TCF12: variants seen among roughly 807,000 people sequenced by gnomAD.
TCF12 encodes DNA-binding protein HTF4.
Under a neutral mutation model 86.0 loss-of-function variants are expected in TCF12, and 45 were observed. The ratio of observed to expected loss-of-function variants is 0.52; its 90% CI spans 0.41 to 0.67. The LOEUF (loss-of-function observed/expected upper bound fraction) is 0.67, where lower values mean the gene tolerates loss of function less well. Among genes scored for constraint, TCF12 ranks in the 30% least tolerant of loss-of-function variants. The pLI, the probability that TCF12 is intolerant of heterozygous loss-of-function variation, is 0.00. For synonymous variants in TCF12, 330 were observed against 299.6 expected (o/e 1.10, Z -1.05); for missense variants, 881 against 859.9 (o/e 1.02, Z -0.31).
At chr15:56,984,110 T>C (rs1004207275) in intron 3 of TCF12, among the ~76,000 whole-genome samples, 2 of 144,818 alleles carry the variant, frequency 1.4e-5, no homozygotes, top group South Asian at 4.4e-4. Context: ...GAGAGAAAGA[T>C]ACGTTGTTCT....
At chr15:57,184,254 C>A (rs12899036) in intron 6 of TCF12, among the ~76,000 whole-genome samples, 58,485 of 151,990 alleles carry the variant, frequency 0.38, 14,074 homozygotes, top group Non-Finnish European at 0.53. Context: ...ATGAAAACAG[C>A]CATAGCCAAT....
chr15:57,253,094 A>T (rs11853810), intron 15 of TCF12, among the ~76,000 whole-genome samples, 168 bp from the exon 16 acceptor site: 1 of 152,044 alleles, frequency 6.6e-6, no homozygotes, highest in East Asian at 1.9e-4. Flanking sequence ...CTACATACAT[A>T]CAGCCTTTTT....
intron 3 of TCF12, among the ~76,000 whole-genome samples, chr15:57,008,297 T>C (rs757073155): frequency 6.6e-6 from 1 of 152,054 alleles, no homozygotes; most frequent in Non-Finnish European, 1.5e-5. Context: ...GGATATATTT[T>C]ATTGTCTTAA....
intron 5 of TCF12, among the ~76,000 whole-genome samples, chr15:57,164,928 G>T (rs570623178): frequency 6.6e-6 from 1 of 152,114 alleles, no homozygotes; most frequent in African/African-American, 2.4e-5. Context: ...TTATCCGCCC[G>T]CCTCGGCCTC....
intron 16 of TCF12, among the ~76,000 whole-genome samples, chr15:57,261,065 T>C (rs1236135363): frequency 6.6e-6 from 1 of 152,130 alleles, no homozygotes. Flanking sequence ...TTCTAATACA[T>C]CGTGAAATTG....
intron 8 of TCF12, among the ~76,000 whole-genome samples, chr15:57,220,897 G>T (rs78479376): frequency 6.6e-6 from 1 of 152,074 alleles, no homozygotes; most frequent in South Asian, 2.1e-4. Context: ...TTAGTGAAGG[G>T]GGGGAGAGGG....
At chr15:57,231,972 A>G (rs2059158274) in intron 9 of TCF12, among the ~76,000 whole-genome samples, 1 of 152,196 alleles carries the variant, frequency 6.6e-6, no homozygotes, top group Non-Finnish European at 1.5e-5. Flanking sequence ...TAAGTATACC[A>G]CTTAACTAAA....
intron 3 of TCF12, among the ~76,000 whole-genome samples, chr15:57,004,158 T>A (rs1221979478): frequency 2.6e-5 from 4 of 152,124 alleles, no homozygotes; most frequent in Non-Finnish European, 5.9e-5. Context: ...TATTCTCTTC[T>A]CTCCTGAGAA....
At chr15:57,206,958 A>AT (rs1158977340) in intron 8 of TCF12, among the ~76,000 whole-genome samples, 1 of 151,790 alleles carries the variant, frequency 6.6e-6, no homozygotes, top group Non-Finnish European at 1.5e-5. Context: ...AGGAAAAAAA[A>AT]AATTGGTCGT....
At chr15:57,233,203 C>G (rs1469816940) in intron 11 of TCF12, among the ~76,000 whole-genome samples, 1 of 151,482 alleles carries the variant, frequency 6.6e-6, no homozygotes, top group African/African-American at 2.4e-5. Flanking sequence ...GACAGAGTCT[C>G]TCTCTCTCAC....
At chr15:57,279,334 A>G (rs1206486712) in intron 19 of TCF12, among the ~76,000 whole-genome samples, 1 of 152,230 alleles carries the variant, frequency 6.6e-6, no homozygotes. Flanking sequence ...ACATGTTGCA[A>G]AGTTGATGTT....
intron 3 of TCF12, among the ~76,000 whole-genome samples, chr15:56,955,401 G>C (rs764752758): frequency 6.6e-6 from 1 of 151,896 alleles, no homozygotes; most frequent in Non-Finnish European, 1.5e-5. Flanking sequence ...AGGGCCTGTC[G>C]TAGGGTGGGG....
chr15:57,139,653 A>C (rs2052810738), intron 5 of TCF12, among the ~76,000 whole-genome samples: 1 of 152,110 alleles, frequency 6.6e-6, no homozygotes, highest in Non-Finnish European at 1.5e-5. Context: ...TTACTTCTTT[A>C]AACCAAAAAA....
chr15:57,251,558 T>G, intron 14 of TCF12, 135 bp downstream of exon 14: 1 of 852,074 alleles, frequency 1.2e-6, no homozygotes, highest in African/African-American at 1.7e-5. Context: ...CTGATTCATT[T>G]GAACAATATA....
chr15:57,092,773 G>A (rs1567406744), intron 5 of TCF12, among the ~76,000 whole-genome samples: 1 of 151,812 alleles, frequency 6.6e-6, no homozygotes, highest in Non-Finnish European at 1.5e-5. Flanking sequence ...ATATAAATAT[G>A]GAAAGTTTGT....
In TCF12 at chr15:57,014,889, A is replaced by ATTG. The variant is rs1191024587; in HGVS notation, c.149-48859_149-48858insGTT. On this transcript the variant is annotated intron_variant, in intron 3 of 20. Transcript: ENST00000333725. ...TATTATTATTATTATTATTATTATT[A>ATTG]TTATTGTTATTATTATTATTATTAT... 4.1e-3 allele frequency among the ~76,000 whole-genome samples: 333 copies of ATTG among 80,500 alleles called. 1 individual carries two copies. Among genetic ancestry groups the ATTG allele is most frequent in the African/African-American group, 0.011 (317 of 29,686 alleles). The allele number at this position is 80,500 out of a possible 152,430, so 52.8% of individuals were successfully genotyped here. A position where few individuals can be genotyped will look rare whatever the true frequency, so the allele number is the denominator to read the frequency against.
Position 57,206,128 on chromosome 15 carries a change from T to A in TCF12, c.579+8303T>A, listed in dbSNP as rs190559985. On this transcript the variant is annotated intron_variant, in intron 8 of 20. Transcript: ENST00000333725. The stretch of plus-strand genomic sequence containing the variant: ...ACTCATATGGTTTTTAAAGGCTATA[T>A]GGTTGAATTATGTAAATGCCTTAGT... Among the ~76,000 whole-genome samples, 59 of 152,344 alleles carry A rather than the reference T, an allele frequency of 3.9e-4. 1 individual carries two copies. In the Middle Eastern group the frequency reaches 0.017, roughly 44 times the overall value.
At chr15:57,243,747 A>G (rs983739859) in intron 13 of TCF12, among the ~76,000 whole-genome samples, 197 bp downstream of exon 13, 9 of 152,234 alleles carry the variant, frequency 5.9e-5, no homozygotes, top group African/African-American at 1.9e-4. Flanking sequence ...TGAGTTATTT[A>G]TTAATATCTT....
intron 3 of TCF12, among the ~76,000 whole-genome samples, chr15:56,965,950 G>A (rs1478407077): frequency 2.0e-5 from 3 of 152,092 alleles, no homozygotes; most frequent in Non-Finnish European, 4.4e-5. Context: ...TTTAGAAAAT[G>A]TATTGCAATT....
Sources: gnomAD v4.1 joint callset for allele counts (sites outside exome capture counted in the v4.1 genomes callset) on GRCh38, gnomAD v4.1.1 for gene constraint, MANE v1.5 for transcripts, NCBI Gene and HGNC (gene_info 2026-07-23, HGNC 2026-07-21) for gene names.